The following NKAIN2 variants were observed in gnomAD, a reference collection of about 807,000 sequenced individuals.
The protein encoded by NKAIN2 is sodium/potassium transporting ATPase interacting 2, also known as sodium/potassium-transporting ATPase subunit beta-1-interacting protein 2.
In NKAIN2, 14 loss-of-function variants were observed where a neutral mutation model predicts 32.6. That is an observed-to-expected ratio of 0.43 (90% CI 0.28 to 0.67). The LOEUF (loss-of-function observed/expected upper bound fraction) is 0.67. Ranked by LOEUF, NKAIN2 falls within the 30% of genes least tolerant of loss-of-function variation. The probability of loss-of-function intolerance (pLI) is 0.17; values close to 1 mark genes in which losing one functional copy is unlikely to be tolerated. For missense variants in NKAIN2, 198 were observed against 258.3 expected, an observed-to-expected ratio of 0.77 and a Z score of 1.60; for synonymous variants, 80 against 87.2, an observed-to-expected ratio of 0.92 and a Z score of 0.46.
At chr6:123,985,029 C>T (rs892559765) in intron 1 of NKAIN2, among the ~76,000 whole-genome samples, 1 of 152,106 alleles carries the variant, frequency 6.6e-6, no homozygotes, top group African/African-American at 2.4e-5. Flanking sequence ...ATCTGAAGGA[C>T]TCTAAGCAAA....
chr6:124,593,622 A>C (rs1583489548), intron 3 of NKAIN2, among the ~76,000 whole-genome samples: 1 of 152,170 alleles, frequency 6.6e-6, no homozygotes, highest in African/African-American at 2.4e-5. Flanking sequence ...TAAGCAAAGA[A>C]ATTTGAACTT....
chr6:123,980,933 G>A (rs1197666851), intron 1 of NKAIN2, among the ~76,000 whole-genome samples: 1 of 150,888 alleles, frequency 6.6e-6, no homozygotes. Context: ...GCAGTGGTGC[G>A]ATCTCTGCTC....
intron 4 of NKAIN2, among the ~76,000 whole-genome samples, chr6:124,687,449 A>G (rs1484855096): frequency 2.8e-5 from 4 of 143,832 alleles, no homozygotes; most frequent in African/African-American, 5.2e-5. Context: ...CATACATGGT[A>G]TATATTCCAT....
chr6:124,264,825 A>G (rs577539704), intron 1 of NKAIN2, among the ~76,000 whole-genome samples: 13 of 152,240 alleles, frequency 8.5e-5, no homozygotes, highest in Non-Finnish European at 1.6e-4. Flanking sequence ...AATATTTAAT[A>G]ACAATAGTGT....
chr6:124,362,189 G>C (rs1274143412), intron 3 of NKAIN2, among the ~76,000 whole-genome samples: 1 of 151,876 alleles, frequency 6.6e-6, no homozygotes, highest in Non-Finnish European at 1.5e-5. Context: ...TTTTCTTACT[G>C]TAAAATTTAT....
intron 1 of NKAIN2, among the ~76,000 whole-genome samples, chr6:124,175,111 C>T (rs2758826): frequency 0.91 from 138,816 of 152,182 alleles, 63,340 homozygotes; most frequent in South Asian, 0.94. Flanking sequence ...CTTGGGTTAT[C>T]AAAAGGTGGG....
intron 1 of NKAIN2, among the ~76,000 whole-genome samples, chr6:123,920,821 C>T (rs1321377887): frequency 6.6e-6 from 1 of 152,112 alleles, no homozygotes; most frequent in Non-Finnish European, 1.5e-5. Flanking sequence ...CATCATTACT[C>T]AAAGAATTAT....
chr6:124,686,592 A>C (rs1773891176), intron 4 of NKAIN2, among the ~76,000 whole-genome samples: 2 of 152,096 alleles, frequency 1.3e-5, no homozygotes, highest in African/African-American at 2.4e-5. Context: ...ACCAGGCCTC[A>C]CCTCCAACAT....
intron 1 of NKAIN2, among the ~76,000 whole-genome samples, chr6:123,990,480 C>T (rs942576043): frequency 1.3e-5 from 2 of 152,156 alleles, no homozygotes; most frequent in African/African-American, 4.8e-5. Context: ...TAGGAGGTTA[C>T]ATTACGTTGT....
intron 1 of NKAIN2, among the ~76,000 whole-genome samples, chr6:123,945,152 G>A (rs1287195532): frequency 6.6e-6 from 1 of 151,990 alleles, no homozygotes; most frequent in African/African-American, 2.4e-5. Flanking sequence ...ATTAATAATG[G>A]TGTTTATGAC....
At chr6:124,331,345 C>CAAAAAAAAAAAAAA (rs1162529828) in intron 2 of NKAIN2, among the ~76,000 whole-genome samples, 15 of 20,816 alleles carry the variant, frequency 7.2e-4, no homozygotes, top group East Asian at 1.8e-3. Context: ...ACTAAATATA[C>CAAAAAAAAAAAAAA]AAAAAAAAAA....
intron 1 of NKAIN2, among the ~76,000 whole-genome samples, chr6:124,094,876 T>C (rs1784586000): frequency 6.6e-6 from 1 of 152,152 alleles, no homozygotes; most frequent in Non-Finnish European, 1.5e-5. Context: ...CCAATATCTT[T>C]ATTATGTGAA....
intron 1 of NKAIN2, among the ~76,000 whole-genome samples, chr6:124,079,416 A>G (rs546669511): frequency 2.0e-5 from 3 of 152,330 alleles, no homozygotes; most frequent in African/African-American, 7.2e-5. Context: ...TGGGGTTGAA[A>G]TCACTAATAA....
At chr6:124,339,972 A>G (rs575551309) in intron 2 of NKAIN2, among the ~76,000 whole-genome samples, 3 of 152,324 alleles carry the variant, frequency 2.0e-5, no homozygotes, top group African/African-American at 7.2e-5. Flanking sequence ...TTCAATACCT[A>G]GGTAATCAGA....
At chr6:124,596,848 A>G (rs760877678) in intron 3 of NKAIN2, among the ~76,000 whole-genome samples, 3 of 152,156 alleles carry the variant, frequency 2.0e-5, no homozygotes, top group Non-Finnish European at 4.4e-5. Context: ...CAAGACCCAG[A>G]GAGCCAATGG....
In NKAIN2 at chr6:124,486,519, C is replaced by G. The variant is rs529686473; in HGVS notation, c.273+131172C>G. On this transcript the variant is annotated intron_variant, in intron 3 of 6. Coordinates refer to ENST00000368417, the MANE Select transcript of NKAIN2 (RefSeq NM_001040214.3). The stretch of plus-strand genomic sequence containing the variant: ...TACCAGTTCTCTCTACTGTTTTATT[C>G]TAAAATAACTTTTTAAAAGCCAGGC... Among the ~76,000 whole-genome samples the G allele has an allele frequency of 6.6e-5, 10 of 152,188 alleles. 1 individual carries two copies. The South Asian group carries it at 2.1e-3, about 32-fold the overall frequency.
At chr6:124,243,175 G>C (rs1295575807) in intron 1 of NKAIN2, among the ~76,000 whole-genome samples, 2 of 152,052 alleles carry the variant, frequency 1.3e-5, no homozygotes, top group Non-Finnish European at 2.9e-5. Context: ...TCTGAAACAG[G>C]AGGTAAAGAG....
At chr6:124,321,351 G>C (rs1262570873) in intron 2 of NKAIN2, among the ~76,000 whole-genome samples, 1 of 152,082 alleles carries the variant, frequency 6.6e-6, no homozygotes, top group Non-Finnish European at 1.5e-5. Context: ...AATACCATTA[G>C]GAGAAATACC....
chr6:124,593,205 T>TGTG (rs1554231106), intron 3 of NKAIN2, among the ~76,000 whole-genome samples: 2 of 149,898 alleles, frequency 1.3e-5, no homozygotes, highest in Admixed American at 6.6e-5. Flanking sequence ...GATGAGAGTT[T>TGTG]TGTGTGTGTG....
Sources: gnomAD v4.1 joint callset for allele counts (sites outside exome capture counted in the v4.1 genomes callset) on GRCh38, gnomAD v4.1.1 for gene constraint, MANE v1.5 for transcripts, NCBI Gene and HGNC (gene_info 2026-07-23, HGNC 2026-07-21) for gene names.